XPO6: variants seen among roughly 807,000 people sequenced by gnomAD.
XPO6 encodes the protein exportin-6.
Under a neutral mutation model 130.0 loss-of-function variants are expected in XPO6, and 3 were observed. The ratio of observed to expected loss-of-function variants is 0.02; its 90% CI spans 0.01 to 0.06. The LOEUF is 0.06. Ranked by LOEUF, XPO6 falls within the 10% of genes least tolerant of loss-of-function variation. The pLI is 1.00. For synonymous variants in XPO6, 524 were observed against 548.9 expected, an observed-to-expected ratio of 0.95 and a Z score of 0.63; for missense variants, 970 against 1,393.0, an observed-to-expected ratio of 0.70 and a Z score of 4.83.
At chr16:28,189,028 C>T (rs2043742273) in intron 1 of XPO6, among the ~76,000 whole-genome samples, 1 of 152,080 alleles carries the variant, frequency 6.6e-6, no homozygotes, top group Non-Finnish European at 1.5e-5. Context: ...GTGGCACAAA[C>T]TCTATCTCCC....
At chr16:28,157,918 C>T (rs948633433) in intron 6 of XPO6, among the ~76,000 whole-genome samples, 1 of 152,172 alleles carries the variant, frequency 6.6e-6, no homozygotes, top group African/African-American at 2.4e-5. Flanking sequence ...CAAAGCAACC[C>T]TCACACGGGT....
Position 28,185,454 on chromosome 16 carries a change from G to A in XPO6, c.4-4423C>T, listed in dbSNP as rs562894332. Among the ~76,000 whole-genome samples the A allele has an allele frequency of 2.0e-5, 3 of 152,268 alleles. No individual in the cohort carries two copies. In the South Asian group the frequency reaches 6.2e-4, roughly 32 times the overall value. On this transcript the variant is annotated intron_variant, in intron 1 of 23. Coordinates refer to ENST00000304658, the MANE Select transcript of XPO6 (RefSeq NM_015171.4). ...TTACCTTGGAGGAGGAGGGATTCTGGTAATAGTCTATTTCTTTATCTGAGT... is the reference window on the plus strand; with the variant it reads ...TTACCTTGGAGGAGGAGGGATTCTGATAATAGTCTATTTCTTTATCTGAGT...
At chr16:28,152,191 T>C (rs979137532) in intron 8 of XPO6, among the ~76,000 whole-genome samples, 4 of 152,070 alleles carry the variant, frequency 2.6e-5, no homozygotes, top group African/African-American at 4.8e-5. Context: ...TGGAATACAA[T>C]AGGAGCTCAA....
chr16:28,180,353 G>A (rs1429783799), intron 2 of XPO6, among the ~76,000 whole-genome samples: 1 of 152,172 alleles, frequency 6.6e-6, no homozygotes, highest in Non-Finnish European at 1.5e-5. Flanking sequence ...AACAGAATGA[G>A]ACGCCGTCTC....
At chr16:28,163,509 A>T (rs28396466) in intron 6 of XPO6, among the ~76,000 whole-genome samples, 151,748 of 152,350 alleles carry the variant, frequency 1, 75,583 homozygotes, top group Middle Eastern at 1. Flanking sequence ...TTTTTCCCCA[A>T]TGGTCCAGGC....
chr16:28,153,107 A>G, intron 7 of XPO6: 1 of 1,040,008 alleles, frequency 9.6e-7, no homozygotes, highest in Non-Finnish European at 1.2e-6. Context: ...TGATGGGCAG[A>G]TCACTGTGTC....
Position 28,107,675 on chromosome 16 carries a change from T to C in XPO6, c.2344A>G (p.Lys782Glu). Residue 782 changes from lysine (K) to glutamate (E), a missense_variant and splice_region_variant, in exon 18 of 24, where the codon AAA (lysine) becomes GAA (glutamate). Around this residue, in one of 4 missense-constraint regions of XPO6, gnomAD observed 936 missense variants for 1,306.8 expected, o/e 0.72. Transcript: ENST00000304658. ...PQRKMPLDDT[K>E]LIIHQTLSVL... ...CTGAGTGTCTGGTGGATAATCAGTTTGGCTGCAAATCAAGATGAGTTGCAG... is the reference window on the plus strand; with the variant it reads ...CTGAGTGTCTGGTGGATAATCAGTTCGGCTGCAAATCAAGATGAGTTGCAG... 1 of 1,613,580 alleles carries C rather than the reference T, an allele frequency of 6.2e-7. No homozygotes were observed. The highest frequency in any genetic ancestry group is 8.5e-7 in the Non-Finnish European group (1 of 1,179,886).
rs185858163 is a variant in XPO6, at chr16:28,107,752, G to C, written c.2342-75C>G. The C allele has an allele frequency of 3.5e-5, 54 of 1,548,904 alleles. No homozygotes were observed. The African/African-American group carries it at 6.4e-4, about 18-fold the overall frequency. The stretch of plus-strand genomic sequence containing the variant: ...TGGTAAGAGGAGACACAAGGGAGAG[G>C]GAGGAAACTTGCAAAGGTACCAAGA... On this transcript the variant is annotated intron_variant, in intron 17 of 23. Coordinates refer to ENST00000304658, the MANE Select transcript of XPO6 (RefSeq NM_015171.4).
At position 28,106,671 on chromosome 16, in the gene XPO6, G is replaced by C. The variant is rs1202416680; in HGVS notation, c.2498-174C>G. 2.6e-4 allele frequency among the ~76,000 whole-genome samples: 40 copies of C among 152,180 alleles called. No homozygotes were observed. The highest frequency in any genetic ancestry group is 5.9e-5 in the Non-Finnish European group (4 of 68,034). On this transcript the variant is annotated intron_variant, in intron 18 of 23. Coordinates refer to ENST00000304658, the MANE Select transcript of XPO6 (RefSeq NM_015171.4). This position sits in a 1 kb window ranked among gnomAD's most constrained non-coding sequence, Gnocchi z 4.2. ...TGATGGAAAGTGGAAAACGATTAGGGACATGCTGAGAAAATAGTTCTGGTA... is the reference window on the plus strand; with the variant it reads ...TGATGGAAAGTGGAAAACGATTAGGCACATGCTGAGAAAATAGTTCTGGTA...
At chr16:28,168,989 A>G (rs2043406626) in intron 5 of XPO6, among the ~76,000 whole-genome samples, 1 of 152,180 alleles carries the variant, frequency 6.6e-6, no homozygotes, top group African/African-American at 2.4e-5. Context: ...AACTGGAGAT[A>G]TAAAGAAAGT....
At chr16:28,156,892 T>C (rs757899922) in intron 6 of XPO6, among the ~76,000 whole-genome samples, 52 of 152,130 alleles carry the variant, frequency 3.4e-4, no homozygotes, top group Non-Finnish European at 6.0e-4. Context: ...CACTCAAGTT[T>C]TTGTTTTCTT....
intron 6 of XPO6, among the ~76,000 whole-genome samples, chr16:28,161,579 A>C (rs2043279340): frequency 6.6e-6 from 1 of 152,328 alleles, no homozygotes; most frequent in South Asian, 2.1e-4. Flanking sequence ...AGGAAAAAAA[A>C]AAACAAAACA....
chr16:28,202,422 C>T (rs752309212), intron 1 of XPO6, among the ~76,000 whole-genome samples: 11 of 152,014 alleles, frequency 7.2e-5, no homozygotes, highest in Non-Finnish European at 8.8e-5. Context: ...GGACGCAGAA[C>T]CTGGAAGAGA....
At position 28,156,427 on chromosome 16, in the gene XPO6, C is replaced by T. The variant is rs766259367; in HGVS notation, c.744G>A (p.Leu248=). Residue 248 remains leucine, a synonymous_variant, in exon 7 of 24, where the codon CTG becomes CTA. Transcript: ENST00000304658. The stretch of plus-strand genomic sequence containing the variant: ...AGAGATGGGCCAGGCACTCCAAAGC[C>T]AGGGAACAGATATACTCACTCTCCA... ...LDVESEYICS[L]ALECLAHLFS... The T allele has an allele frequency of 1.9e-6, 3 of 1,613,988 alleles. No homozygotes were observed. Among genetic ancestry groups the T allele is most frequent in the Non-Finnish European group, 2.5e-6 (3 of 1,179,964 alleles).
At chr16:28,203,817 C>T (rs2043986700) in intron 1 of XPO6, among the ~76,000 whole-genome samples, 1 of 152,218 alleles carries the variant, frequency 6.6e-6, no homozygotes, top group Non-Finnish European at 1.5e-5. Context: ...AACAGGCAGG[C>T]CCTTGTCACA....
chr16:28,207,575 G>C (rs2044053559), intron 1 of XPO6, among the ~76,000 whole-genome samples: 1 of 152,170 alleles, frequency 6.6e-6, no homozygotes, highest in Non-Finnish European at 1.5e-5. Context: ...GGTCAACAGG[G>C]ATAGTGTAAA....
chr16:28,104,643 C>A lies in XPO6; in HGVS notation c.2849G>T (p.Trp950Leu). 1 of 1,614,212 alleles carries A rather than the reference C, an allele frequency of 6.2e-7. No homozygotes were observed. The highest frequency in any genetic ancestry group is 8.5e-7 in the Non-Finnish European group (1 of 1,180,040). ...ELLFRTLHHN[W>L]RYFFKSTVLA... The stretch of plus-strand genomic sequence containing the variant: ...CACGGTGGACTTGAAGAAGTACCTC[C>A]AGTTGTGATGGAGCGTCCGGAAAAG... Residue 950 changes from tryptophan to leucine, a missense_variant, in exon 21 of 24, where the codon TGG becomes TTG. Physicochemically the swap from Trp to Leu is moderately conservative, Grantham distance 61 (BLOSUM62 -2). Around this residue, in one of 4 missense-constraint regions of XPO6, gnomAD observed 936 missense variants for 1,306.8 expected, o/e 0.72. Coordinates refer to ENST00000304658, the MANE Select transcript of XPO6 (RefSeq NM_015171.4).
chr16:28,100,949 T>C (rs563364635), intron 23 of XPO6: 2 of 232,118 alleles, frequency 8.6e-6, no homozygotes, highest in East Asian at 1.1e-4. Context: ...GGAGGGCTCC[T>C]CCCAGGACCT....
chr16:28,102,716 T>G (rs1041103357), intron 21 of XPO6, among the ~76,000 whole-genome samples: 2 of 152,092 alleles, frequency 1.3e-5, no homozygotes, highest in Non-Finnish European at 2.9e-5. Flanking sequence ...CACTCCAGCC[T>G]AGGCAACAGA....
Sources: allele counts gnomAD v4.1 joint callset (sites outside exome capture counted in the v4.1 genomes callset), GRCh38; gene constraint gnomAD v4.1.1; regional missense constraint gnomAD v4.1.1; non-coding constraint Gnocchi (gnomAD v3.1); transcripts MANE v1.5; gene names NCBI Gene and HGNC (gene_info 2026-07-23, HGNC 2026-07-21).